The following CCDC14 variants were observed in gnomAD, a reference collection of about 807,000 sequenced individuals.
The protein encoded by CCDC14 is coiled-coil domain containing 14.
CCDC14 carries 71 observed loss-of-function variants against 81.4 expected under a neutral mutation model. The ratio of observed to expected loss-of-function variants is 0.87; its 90% CI spans 0.72 to 1.06. The LOEUF is 1.06. Ranked by LOEUF, CCDC14 falls within the 50% of genes least tolerant of loss-of-function variation. The pLI is 0.00. For synonymous variants in CCDC14, 332 were observed against 364.8 expected (o/e 0.91, Z 1.03); for missense variants, 1,046 against 1,047.3 (o/e 1.00, Z 0.02).
chr3:123,951,860 C>T (rs1260464879), intron 5 of CCDC14, among the ~76,000 whole-genome samples: 1 of 152,160 alleles, frequency 6.6e-6, no homozygotes, highest in Non-Finnish European at 1.5e-5. Flanking sequence ...TATTCTGCTC[C>T]TTTATAAACT....
intron 10 of CCDC14, among the ~76,000 whole-genome samples, chr3:123,931,797 T>C (rs2035736519): frequency 6.6e-6 from 1 of 152,168 alleles, no homozygotes; most frequent in Admixed American, 6.5e-5. Flanking sequence ...AAAAGAATAA[T>C]ACATGTACAA....
chr3:123,949,291 A>G (rs1175601547), intron 5 of CCDC14, 159 bp from the exon 6 acceptor site: 1 of 579,276 alleles, frequency 1.7e-6, no homozygotes, highest in Non-Finnish European at 3.1e-6. Context: ...AAATCATCTC[A>G]AATTCTTTCT....
At chr3:123,897,825 A>T (rs1431915254) in intron 5 of CCDC14, among the ~76,000 whole-genome samples, 3 of 152,186 alleles carry the variant, frequency 2.0e-5, no homozygotes, top group African/African-American at 7.2e-5. Flanking sequence ...AGGGGAGGGA[A>T]GGGATCTGAA....
chr3:123,942,096 T>G (rs1156780346), intron 9 of CCDC14, among the ~76,000 whole-genome samples: 1 of 151,850 alleles, frequency 6.6e-6, no homozygotes, highest in Non-Finnish European at 1.5e-5. Context: ...ACCGAGACAG[T>G]GTAAAAGTCT....
At chr3:123,906,425 G>T (rs1486542832) in intron 5 of CCDC14, among the ~76,000 whole-genome samples, 2 of 137,436 alleles carry the variant, frequency 1.5e-5, no homozygotes, top group Admixed American at 7.0e-5. Context: ...AATAGACAAA[G>T]AAATGAAAAA....
At chr3:123,895,740 C>T (rs1279570493), downstream of CCDC14, among the ~76,000 whole-genome samples, 2 of 152,198 alleles carry the variant, frequency 1.3e-5, no homozygotes, top group Non-Finnish European at 2.9e-5. Flanking sequence ...CTTCAGTTTG[C>T]TCTTCTGTTC....
intron 12 of CCDC14, among the ~76,000 whole-genome samples, chr3:123,924,441 A>C (rs2035239316): frequency 6.6e-6 from 1 of 152,152 alleles, no homozygotes; most frequent in African/African-American, 2.4e-5. Flanking sequence ...GACAAATGAA[A>C]TCGTATCAAA....
the CCDC14 span, among the ~76,000 whole-genome samples, chr3:123,890,060 G>T: frequency 2.0e-5 from 3 of 152,162 alleles, no homozygotes; most frequent in African/African-American, 7.2e-5. Flanking sequence ...ATGGCAGCAG[G>T]CAGAGGGAGG....
rs763689679 is a variant in CCDC14, at chr3:123,915,210, C to T, written c.2287G>A (p.Val763Ile). 1.9e-6 allele frequency: 3 copies of T among 1,613,756 alleles called. No homozygotes were observed. In the Admixed American group the frequency reaches 5.0e-5, roughly 27 times the overall value. Residue 763 changes from valine (V) to isoleucine (I), a missense_variant, in exon 13 of 13, where the codon GTC becomes ATC. Coordinates refer to ENST00000409697, the MANE Select transcript of CCDC14 (RefSeq NM_001366335.1). ...PQIRAATTQL[V>I]SNSGLAVSGK... ...GAGACAGCAAGTCCGCTGTTGCTGA[C>T]TAGCTGTGTTGTAGCTGCTCTTATT... is the stretch of plus-strand genomic sequence containing the variant.
At chr3:123,917,593 C>T (rs1288406920) in intron 12 of CCDC14, among the ~76,000 whole-genome samples, 1 of 151,400 alleles carries the variant, frequency 6.6e-6, no homozygotes, top group Non-Finnish European at 1.5e-5. Flanking sequence ...ATACCACTAG[C>T]CAATAAGCAT....
At chr3:123,930,020 T>A (rs914586806) in intron 12 of CCDC14, among the ~76,000 whole-genome samples, 1 of 152,218 alleles carries the variant, frequency 6.6e-6, no homozygotes, top group Non-Finnish European at 1.5e-5. Flanking sequence ...ATAAGACTGG[T>A]ATAAGCCAAT....
At chr3:123,911,915 AAAT>A (rs148944972), downstream of CCDC14, among the ~76,000 whole-genome samples, 92 of 152,272 alleles carry the variant, frequency 6.0e-4, 2 homozygotes, top group South Asian at 0.011. Flanking sequence ...CCATCAGTGA[AAAT>A]AAAGGTTTCT....
At chr3:123,909,837 G>T (rs77391974), downstream of CCDC14, among the ~76,000 whole-genome samples, 1 of 152,202 alleles carries the variant, frequency 6.6e-6, no homozygotes, top group East Asian at 1.9e-4. Context: ...CAGTGGTCAT[G>T]AGACTGAGCT....
At chr3:123,895,277 C>A (rs376874554), downstream of CCDC14, among the ~76,000 whole-genome samples, 1 of 152,054 alleles carries the variant, frequency 6.6e-6, no homozygotes, top group African/African-American at 2.4e-5. Context: ...CCTGGCTTGG[C>A]CCCCTTCACT....
At chr3:123,940,667 C>T (rs752509918) in intron 9 of CCDC14, among the ~76,000 whole-genome samples, 1 of 152,014 alleles carries the variant, frequency 6.6e-6, no homozygotes, top group Non-Finnish European at 1.5e-5. Flanking sequence ...GGTGAATATA[C>T]CACTTACTTA....
intron 9 of CCDC14, among the ~76,000 whole-genome samples, chr3:123,937,616 GCTT>G (rs752549955): frequency 9.2e-5 from 14 of 151,782 alleles, no homozygotes; most frequent in Non-Finnish European, 1.6e-4. Context: ...TCTGTTGGTT[GCTT>G]CTTCATTTTT....
intron 5 of CCDC14, among the ~76,000 whole-genome samples, chr3:123,906,955 A>C (rs1463500245): frequency 6.6e-6 from 1 of 152,132 alleles, no homozygotes; most frequent in Non-Finnish European, 1.5e-5. Flanking sequence ...TCCTCCTGTT[A>C]TCAGATCATC....
chr3:123,917,942 T>C (rs1307583232), intron 12 of CCDC14, among the ~76,000 whole-genome samples: 2 of 152,260 alleles, frequency 1.3e-5, no homozygotes, highest in South Asian at 2.1e-4. Flanking sequence ...TATATCTTTA[T>C]CTTCAAAAAA....
intron 12 of CCDC14, among the ~76,000 whole-genome samples, chr3:123,926,811 A>G (rs1200348118): frequency 1.3e-5 from 2 of 152,142 alleles, no homozygotes; most frequent in East Asian, 3.9e-4. Context: ...CAGAAATTTT[A>G]CAAAATCTCT....
Sources: gnomAD v4.1 joint callset for allele counts (sites outside exome capture counted in the v4.1 genomes callset) on GRCh38, gnomAD v4.1.1 for gene constraint, MANE v1.5 for transcripts, NCBI Gene and HGNC (gene_info 2026-07-23, HGNC 2026-07-21) for gene names.